Variants in UBE2F observed in about 807,000 individuals in gnomAD.
UBE2F encodes the protein ubiquitin conjugating enzyme E2 F (putative), also known as NEDD8-conjugating enzyme UBE2F.
UBE2F carries 5 observed loss-of-function variants against 29.6 expected under a neutral mutation model. That is an observed-to-expected ratio of 0.17 (90% CI 0.09 to 0.36). The LOEUF (loss-of-function observed/expected upper bound fraction) is 0.36. Ranked by LOEUF, UBE2F falls within the 10% of genes least tolerant of loss-of-function variation. The probability of loss-of-function intolerance (pLI) is 1.00; values close to 1 mark genes in which losing one functional copy is unlikely to be tolerated. For missense variants in UBE2F, 141 were observed against 228.5 expected (o/e 0.62, Z 2.47); for synonymous variants, 66 against 81.8 (o/e 0.81, Z 1.04).
Position 238,041,176 on chromosome 2 carries a change from G to T in UBE2F, c.508-112G>T. On this transcript the variant is annotated intron_variant, in intron 9 of 9. Transcript: ENST00000272930. ...GTCCCAGTCCTTCTACCACCTTGGC[G>T]ACCACAGGGGACCTTGGTGCTGGTG... The T allele has an allele frequency of 2.9e-6, 3 of 1,036,196 alleles. No homozygotes were observed. The South Asian group carries it at 4.1e-5, about 14-fold the overall frequency. 64.2% of individuals were successfully genotyped at this position (1,036,196 alleles called of 1,614,324 possible).
chr2:237,990,421 TAGAC>T, intron 3 of UBE2F: 1 of 450,686 alleles, frequency 2.2e-6, no homozygotes, highest in Non-Finnish European at 4.5e-6. Flanking sequence ...TTTTTTTTAA[TAGAC>T]AGGGTCTCTC....
intron 2 of UBE2F, among the ~76,000 whole-genome samples, chr2:237,975,362 G>T (rs771005304): frequency 1.3e-5 from 2 of 151,724 alleles, no homozygotes; most frequent in East Asian, 3.9e-4. Context: ...CACGCACCTC[G>T]GCCTTCCCAA....
At chr2:237,977,416 T>C (rs1267646507) in intron 2 of UBE2F, among the ~76,000 whole-genome samples, 1 of 152,188 alleles carries the variant, frequency 6.6e-6, no homozygotes, top group East Asian at 1.9e-4. Context: ...CAGGCCAGGC[T>C]GAGTGGTGAG....
intron 3 of UBE2F, among the ~76,000 whole-genome samples, chr2:237,990,003 A>G (rs1168554520): frequency 6.6e-6 from 1 of 150,894 alleles, no homozygotes; most frequent in Non-Finnish European, 1.5e-5. Context: ...CTGTAATCCC[A>G]GCTGCTCGGG....
intron 2 of UBE2F, chr2:237,986,142 C>CTTTTTTTTTT: frequency 4.0e-6 from 1 of 247,614 alleles, no homozygotes; most frequent in Non-Finnish European, 7.7e-6. Flanking sequence ...CTTTTCTTTT[C>CTTTTTTTTTT]TTTTTTTTTT....
chr2:237,990,515 A>G (rs913217964), intron 3 of UBE2F: 13 of 382,388 alleles, frequency 3.4e-5, no homozygotes, highest in Non-Finnish European at 5.6e-5. Context: ...TGATCTTCCC[A>G]CCTCAGTCTC....
intron 4 of UBE2F, among the ~76,000 whole-genome samples, chr2:237,995,848 C>T (rs1033445038): frequency 6.6e-6 from 1 of 152,140 alleles, no homozygotes; most frequent in East Asian, 1.9e-4. Flanking sequence ...CAGTCTGATA[C>T]TGATTCTTCT....
At chr2:238,003,814 C>G (rs1163198378) in intron 4 of UBE2F, among the ~76,000 whole-genome samples, 1 of 152,130 alleles carries the variant, frequency 6.6e-6, no homozygotes, top group African/African-American at 2.4e-5. Flanking sequence ...ATAGACAGCT[C>G]TCTGCCTTTT....
At chr2:237,972,671 T>C (rs1178825182) in intron 1 of UBE2F, among the ~76,000 whole-genome samples, 2 of 149,922 alleles carry the variant, frequency 1.3e-5, no homozygotes, top group Non-Finnish European at 3.0e-5. Context: ...CTACCTCAGC[T>C]TCCCGAGTAG....
At chr2:237,996,972 C>T (rs917517537) in intron 4 of UBE2F, among the ~76,000 whole-genome samples, 5 of 152,020 alleles carry the variant, frequency 3.3e-5, no homozygotes, top group African/African-American at 9.7e-5. Context: ...CTGTAATTCC[C>T]GCACTTTGGG....
At chr2:237,984,109 G>A (rs557826244) in intron 2 of UBE2F, among the ~76,000 whole-genome samples, 12 of 146,502 alleles carry the variant, frequency 8.2e-5, no homozygotes, top group African/African-American at 3.1e-4. Context: ...TTTGTCTCTC[G>A]TGGCTTTCTG....
chr2:238,041,165 A>T, intron 9 of UBE2F, 123 bp from the exon 10 acceptor site: 1 of 898,824 alleles, frequency 1.1e-6, no homozygotes, highest in Non-Finnish European at 1.8e-6. Flanking sequence ...CAGTCCTTCT[A>T]CCACCTTGGC....
Position 237,973,180 on chromosome 2 carries a change from G to T in UBE2F, c.73G>T (p.Asp25Tyr). The T allele has an allele frequency of 6.2e-7, 1 of 1,614,048 alleles. No individual in the cohort carries two copies. The highest frequency in any genetic ancestry group is 8.5e-7 in the Non-Finnish European group (1 of 1,179,934). The change falls in exon 2 of 10, where the codon GAC becomes TAC. Residue 25 changes from aspartate (D) to tyrosine (Y), a missense_variant. Physicochemically the swap from Asp to Tyr is radical, Grantham distance 160. Transcript: ENST00000272930. ...KGSRTAATAS[D>Y]STRRVSVRDK... ...GTCCCGGACGGCAGCCACAGCGTCCGACTCGACTCGGAGGGTTTCTGTGAG... is the reference window on the plus strand; with the variant it reads ...GTCCCGGACGGCAGCCACAGCGTCCTACTCGACTCGGAGGGTTTCTGTGAG...
chr2:237,983,153 G>A (rs2063411608), intron 2 of UBE2F, among the ~76,000 whole-genome samples: 1 of 152,184 alleles, frequency 6.6e-6, no homozygotes, highest in African/African-American at 2.4e-5. Flanking sequence ...ATTTTTTAAT[G>A]TAGGGGCCAC....
intron 8 of UBE2F, among the ~76,000 whole-genome samples, chr2:238,034,627 T>C (rs2064663492): frequency 6.6e-6 from 1 of 152,214 alleles, no homozygotes; most frequent in African/African-American, 2.4e-5. Flanking sequence ...ACAGTCTTTA[T>C]CTAATATGTA....
intron 5 of UBE2F, among the ~76,000 whole-genome samples, chr2:238,019,030 G>C (rs920840395): frequency 1.3e-5 from 2 of 152,104 alleles, no homozygotes; most frequent in African/African-American, 4.8e-5. Flanking sequence ...GAGGGGTAAG[G>C]CTTAAATTTT....
In UBE2F at chr2:238,039,310, G is replaced by A. The variant is rs143885398; in HGVS notation, c.508-1978G>A. Among the ~76,000 whole-genome samples, 4 of 152,330 alleles carry A rather than the reference G, an allele frequency of 2.6e-5. No individual in the cohort carries two copies. The East Asian group carries it at 7.7e-4, about 29-fold the overall frequency. ...ACACAGCATGTGAGGTGGAGAGGGG[G>A]CCACAGAGGGCCGGGTGGTGAGAGA... is the stretch of plus-strand genomic sequence containing the variant. On this transcript the variant is annotated intron_variant, in intron 9 of 9. Transcript: ENST00000272930.
chr2:237,988,064 A>T, intron 3 of UBE2F, 72 bp downstream of exon 3: 4 of 848,936 alleles, frequency 4.7e-6, no homozygotes, highest in Non-Finnish European at 7.2e-6. Context: ...TGTTTTAATA[A>T]CCTTGTATAG....
At chr2:238,038,306 AG>A (rs1434827374) in intron 9 of UBE2F, among the ~76,000 whole-genome samples, 2 of 152,214 alleles carry the variant, frequency 1.3e-5, no homozygotes, top group Non-Finnish European at 2.9e-5. Context: ...GAGAAGTAGC[AG>A]GGGTGTGAGG....
Sources: gnomAD v4.1 joint callset for allele counts (sites outside exome capture counted in the v4.1 genomes callset) on GRCh38, gnomAD v4.1.1 for gene constraint, MANE v1.5 for transcripts, NCBI Gene and HGNC (gene_info 2026-07-23, HGNC 2026-07-21) for gene names.